The following FRMD4A variants were observed in gnomAD, a reference collection of about 807,000 sequenced individuals.
FRMD4A encodes the protein FERM domain-containing protein 4A.
Under a neutral mutation model 129.1 loss-of-function variants are expected in FRMD4A, and 29 were observed. The ratio of observed to expected loss-of-function variants is 0.22; its 90% confidence interval spans 0.17 to 0.31. The LOEUF is 0.31. Ranked by LOEUF, FRMD4A falls within the 10% of genes least tolerant of loss-of-function variation. The pLI is 1.00. For missense variants in FRMD4A, 1,272 were observed against 1,375.8 expected (o/e 0.92, Z 1.19); for synonymous variants, 634 against 571.6 (o/e 1.11, Z -1.56).
chr10:13,951,078 G>T (rs1177463923), intron 2 of FRMD4A, among the ~76,000 whole-genome samples: 1 of 152,232 alleles, frequency 6.6e-6, no homozygotes, highest in African/African-American at 2.4e-5. Flanking sequence ...GGAGGAAGAA[G>T]GGCAGGCTAG....
At chr10:14,023,810 C>G (rs1183166769) in intron 2 of FRMD4A, among the ~76,000 whole-genome samples, 3 of 152,168 alleles carry the variant, frequency 2.0e-5, no homozygotes, top group African/African-American at 7.2e-5. Flanking sequence ...ATCTCTCAAA[C>G]AGCCTCAGGC....
At chr10:13,882,045 T>G (rs2094553309) in intron 2 of FRMD4A, among the ~76,000 whole-genome samples, 3 of 93,514 alleles carry the variant, frequency 3.2e-5, no homozygotes, top group African/African-American at 1.2e-4. Context: ...GTGTGATGGT[T>G]AACATAAGAA....
At chr10:13,987,292 T>C (rs2095585078) in intron 2 of FRMD4A, among the ~76,000 whole-genome samples, 1 of 152,124 alleles carries the variant, frequency 6.6e-6, no homozygotes, top group Admixed American at 6.5e-5. Context: ...CCTTCCCCCA[T>C]ATGCAGAATG....
At chr10:14,137,310 C>T (rs1407380394) in intron 2 of FRMD4A, among the ~76,000 whole-genome samples, 1 of 152,228 alleles carries the variant, frequency 6.6e-6, no homozygotes, top group Non-Finnish European at 1.5e-5. Context: ...TTGCAGTCTA[C>T]ACACAAGCAC....
chr10:14,111,353 A>G (rs1837890624), intron 2 of FRMD4A, among the ~76,000 whole-genome samples: 1 of 152,166 alleles, frequency 6.6e-6, no homozygotes, highest in African/African-American at 2.4e-5. Context: ...TGTCTATGCC[A>G]TGGGTTTCCC....
intron 2 of FRMD4A, among the ~76,000 whole-genome samples, chr10:13,862,146 G>A (rs1483969186): frequency 1.3e-5 from 2 of 152,070 alleles, no homozygotes; most frequent in African/African-American, 4.8e-5. Context: ...AGAGAATAGG[G>A]GAGAGTTTTA....
intron 2 of FRMD4A, among the ~76,000 whole-genome samples, chr10:14,260,245 G>A (rs1844754940): frequency 6.6e-6 from 1 of 152,124 alleles, no homozygotes; most frequent in African/African-American, 2.4e-5. Flanking sequence ...GTACTGCACG[G>A]ACTCTCATGT....
intron 2 of FRMD4A, among the ~76,000 whole-genome samples, chr10:14,140,223 G>C (rs187136454): frequency 1.5e-4 from 23 of 152,128 alleles, no homozygotes; most frequent in African/African-American, 5.5e-4. Flanking sequence ...CACCACACCT[G>C]GCTAATCTTC....
intron 2 of FRMD4A, among the ~76,000 whole-genome samples, chr10:13,904,567 T>C (rs2094858951): frequency 6.6e-6 from 1 of 152,262 alleles, no homozygotes; most frequent in South Asian, 2.1e-4. Context: ...TTTTCTTGTA[T>C]TCCAGATCCT....
intron 3 of FRMD4A, among the ~76,000 whole-genome samples, chr10:13,814,592 AAAAAAAAAAAAAAAAG>A (rs1265834822): frequency 1.4e-5 from 2 of 144,792 alleles, no homozygotes; most frequent in African/African-American, 2.5e-5. Flanking sequence ...AAAAAAAAAA[AAAAAAAAAAAAAAAAG>A]AAAGAAAGGG....
rs66980805 is a variant in FRMD4A at position 13,925,566 on chromosome 10, C to CTTTTTTTTT, written c.46-66663_46-66655dup. 6.8e-3 allele frequency among the ~76,000 whole-genome samples: 421 copies of CTTTTTTTTT among 61,924 alleles called. 74 individuals are homozygous for CTTTTTTTTT. Among genetic ancestry groups the CTTTTTTTTT allele is most frequent in the East Asian group, 0.021 (26 of 1,246 alleles). The allele number at this position is 61,924 out of a possible 152,430, so 40.6% of individuals were successfully genotyped here. A position where few individuals can be genotyped will look rare whatever the true frequency, so the allele number is the denominator to read the frequency against. On this transcript the variant is annotated intron_variant, in intron 2 of 24. Coordinates refer to ENST00000357447, the MANE Select transcript of FRMD4A (RefSeq NM_018027.5). ...TGAAAGTTTCTATTGTAGTGAAACGCTTTTTTTTTTTTTTTTTTTTTTTTT... is the reference window on the plus strand; with the variant it reads ...TGAAAGTTTCTATTGTAGTGAAACGCTTTTTTTTTTTTTTTTTTTTTTTTTTTTTTTTTT...
chr10:13,867,748 A>G (rs191782020), intron 2 of FRMD4A, among the ~76,000 whole-genome samples: 1 of 25,220 alleles, frequency 4.0e-5, no homozygotes, highest in African/African-American at 1.3e-4. Flanking sequence ...CATATAATAT[A>G]ATATATAATA....
chr10:13,934,912 G>T (rs1162468851), intron 2 of FRMD4A, among the ~76,000 whole-genome samples: 2 of 152,114 alleles, frequency 1.3e-5, no homozygotes, highest in Non-Finnish European at 2.9e-5. Flanking sequence ...CCAAGATCAA[G>T]GTGCTGGTAG....
intron 2 of FRMD4A, among the ~76,000 whole-genome samples, chr10:13,884,292 A>T (rs1344801913): frequency 6.6e-6 from 1 of 151,940 alleles, no homozygotes; most frequent in South Asian, 2.1e-4. Context: ...TTCTGCCATT[A>T]ACTTGTTGCA....
chr10:14,200,582 A>C (rs150720246), intron 2 of FRMD4A, among the ~76,000 whole-genome samples: 19 of 152,190 alleles, frequency 1.2e-4, no homozygotes, highest in African/African-American at 4.6e-4. Context: ...TGGAGAAGAG[A>C]CACTAAGGGA....
intron 2 of FRMD4A, among the ~76,000 whole-genome samples, chr10:14,243,768 C>T (rs1844135417): frequency 1.3e-5 from 2 of 150,488 alleles, no homozygotes; most frequent in South Asian, 2.1e-4. Context: ...ATTCACACTG[C>T]TATTAAACTG....
intron 3 of FRMD4A, among the ~76,000 whole-genome samples, chr10:13,851,136 C>T (rs1440813757): frequency 6.6e-6 from 1 of 152,184 alleles, no homozygotes; most frequent in African/African-American, 2.4e-5. Context: ...ATCACTTGAA[C>T]CCGGGAGGCA....
chr10:14,055,104 A>G (rs542082365), intron 2 of FRMD4A, among the ~76,000 whole-genome samples: 1 of 152,162 alleles, frequency 6.6e-6, no homozygotes, highest in Non-Finnish European at 1.5e-5. Context: ...CCCCAGGAAG[A>G]TGGGAGGTGA....
intron 2 of FRMD4A, among the ~76,000 whole-genome samples, chr10:14,113,324 G>A (rs1838023396): frequency 6.6e-6 from 1 of 152,178 alleles, no homozygotes; most frequent in Admixed American, 6.5e-5. Context: ...CCAACGTGAA[G>A]ATGAGTAGGA....
Sources: allele counts gnomAD v4.1 joint callset (sites outside exome capture counted in the v4.1 genomes callset), GRCh38; gene constraint gnomAD v4.1.1; transcripts MANE v1.5; gene names NCBI Gene and HGNC (gene_info 2026-07-23, HGNC 2026-07-21).